The following FRK variants were observed in gnomAD, a reference collection of about 807,000 sequenced individuals.
FRK encodes the protein fyn related Src family tyrosine kinase, also known as tyrosine-protein kinase FRK.
Under a neutral mutation model 56.4 loss-of-function variants are expected in FRK, and 51 were observed. The ratio of observed to expected loss-of-function variants is 0.90; its 90% CI spans 0.72 to 1.14. The LOEUF (loss-of-function observed/expected upper bound fraction) is 1.14. FRK is among the 50% of genes most tolerant of loss of function. The pLI is 0.00. For missense variants in FRK, 570 were observed against 601.4 expected (o/e 0.95, Z 0.55); for synonymous variants, 245 against 217.9 (o/e 1.12, Z -1.10).
upstream of FRK, among the ~76,000 whole-genome samples, chr6:116,064,112 A>G (rs893221691): frequency 6.6e-6 from 1 of 152,222 alleles, no homozygotes; most frequent in African/African-American, 2.4e-5. Context: ...ATCATGGTTC[A>G]TCACTCCTGC....
chr6:116,040,280 AT>A (rs1472162467), intron 1 of FRK, among the ~76,000 whole-genome samples: 1 of 152,182 alleles, frequency 6.6e-6, no homozygotes, highest in Non-Finnish European at 1.5e-5. Flanking sequence ...CAATGTCTAT[AT>A]TTGACCTTAT....
intron 5 of FRK, among the ~76,000 whole-genome samples, chr6:115,946,375 G>A (rs921321022): frequency 3.3e-5 from 5 of 152,082 alleles, no homozygotes; most frequent in Non-Finnish European, 7.4e-5. Flanking sequence ...CTACTTTATG[G>A]TATTCGTTGT....
chr6:116,053,990 C>G (rs1466953667), intron 1 of FRK, among the ~76,000 whole-genome samples: 2 of 151,854 alleles, frequency 1.3e-5, no homozygotes, highest in Non-Finnish European at 2.9e-5. Flanking sequence ...GAATTGGTTG[C>G]TCTTTTCTTC....
intron 2 of FRK, among the ~76,000 whole-genome samples, chr6:115,979,892 T>C (rs1175301302): frequency 6.6e-6 from 1 of 152,116 alleles, no homozygotes; most frequent in Non-Finnish European, 1.5e-5. Flanking sequence ...TAGGTTTGTG[T>C]GAGTACACTT....
intron 1 of FRK, among the ~76,000 whole-genome samples, chr6:116,033,581 C>T (rs1562296515): frequency 2.6e-5 from 4 of 151,996 alleles, no homozygotes; most frequent in Admixed American, 2.6e-4. Flanking sequence ...TTTTCTGCCT[C>T]ATAAAAGTCC....
At chr6:116,061,519 T>C (rs1176118142), upstream of FRK, among the ~76,000 whole-genome samples, 1 of 151,398 alleles carries the variant, frequency 6.6e-6, no homozygotes, top group Non-Finnish European at 1.5e-5. Flanking sequence ...GGGCTCTTTC[T>C]GCTAAACTTT....
chr6:116,081,184 A>C, the FRK span, among the ~76,000 whole-genome samples: 1 of 152,218 alleles, frequency 6.6e-6, no homozygotes, highest in Non-Finnish European at 1.5e-5. Context: ...CTCCCACAAC[A>C]TGCAGGGATT....
intron 2 of FRK, among the ~76,000 whole-genome samples, chr6:115,979,319 T>A (rs1268338347): frequency 6.6e-6 from 1 of 151,914 alleles, no homozygotes; most frequent in East Asian, 1.9e-4. Flanking sequence ...TGCCTTTGTT[T>A]TTGACAAAAA....
At chr6:115,977,335 C>T (rs1005590620) in intron 2 of FRK, among the ~76,000 whole-genome samples, 3 of 152,136 alleles carry the variant, frequency 2.0e-5, no homozygotes, top group Non-Finnish European at 4.4e-5. Flanking sequence ...GTTGTTCTCT[C>T]CTTTCCTGGG....
intron 1 of FRK, among the ~76,000 whole-genome samples, chr6:116,037,342 A>G (rs1034125332): frequency 2.0e-5 from 3 of 152,214 alleles, no homozygotes; most frequent in Non-Finnish European, 4.4e-5. Flanking sequence ...GATAAACAAC[A>G]CCAAAGTGTA....
chr6:116,046,532 C>T (rs1776969994), intron 1 of FRK, among the ~76,000 whole-genome samples: 1 of 151,996 alleles, frequency 6.6e-6, no homozygotes, highest in African/African-American at 2.4e-5. Flanking sequence ...AACACAAGAA[C>T]AGAAAACCAA....
chr6:116,085,384 T>G, the FRK span, among the ~76,000 whole-genome samples: 1 of 152,196 alleles, frequency 6.6e-6, no homozygotes, highest in Non-Finnish European at 1.5e-5. Flanking sequence ...TGAAAGGGGA[T>G]TTTCATTTTA....
At chr6:115,993,606 A>AT (rs1417992280) in intron 2 of FRK, among the ~76,000 whole-genome samples, 1 of 151,964 alleles carries the variant, frequency 6.6e-6, no homozygotes, top group African/African-American at 2.4e-5. Flanking sequence ...TAACAAAACT[A>AT]TACTTATACC....
the FRK span, among the ~76,000 whole-genome samples, chr6:116,074,640 G>C: frequency 6.6e-6 from 1 of 152,020 alleles, no homozygotes; most frequent in Non-Finnish European, 1.5e-5. Context: ...ATATATCAAA[G>C]CCTATACCAA....
chr6:116,017,874 G>A (rs1427437758), intron 1 of FRK, among the ~76,000 whole-genome samples: 1 of 151,982 alleles, frequency 6.6e-6, no homozygotes, highest in Admixed American at 6.6e-5. Context: ...AGTCCACTCT[G>A]CCTCACACTG....
At chr6:116,068,055 C>A in the FRK span, among the ~76,000 whole-genome samples, 1 of 152,172 alleles carries the variant, frequency 6.6e-6, no homozygotes, top group Non-Finnish European at 1.5e-5. Context: ...TTCATCTTAA[C>A]CTTCACCAAT....
At chr6:116,048,435 T>C (rs1370831438) in intron 1 of FRK, among the ~76,000 whole-genome samples, 1 of 152,162 alleles carries the variant, frequency 6.6e-6, no homozygotes, top group African/African-American at 2.4e-5. Context: ...ACCTAGGCTG[T>C]AGTGCAGTGG....
rs780534370 is a variant in FRK, at chr6:115,942,625, C to T, written c.1307G>A (p.Gly436Asp). The change falls in exon 8 of 8, where the codon GGT becomes GAT. Residue 436 changes from glycine to aspartate, a missense_variant and splice_region_variant. Gly to Asp is a moderately conservative substitution (Grantham distance 94). Coordinates refer to ENST00000606080, the MANE Select transcript of FRK (RefSeq NM_002031.3). ...IITYGKMPYS[G>D]MTGAQVIQML... ...CTGGATTACCTGGGCACCTGTCATACCTTGAAAATACAGAACGAAACCAAC... is the reference window on the plus strand; with the variant it reads ...CTGGATTACCTGGGCACCTGTCATATCTTGAAAATACAGAACGAAACCAAC... 5 of 1,611,880 alleles carry T rather than the reference C, an allele frequency of 3.1e-6. No individual in the cohort carries two copies. Among genetic ancestry groups the T allele is most frequent in the Non-Finnish European group, 4.2e-6 (5 of 1,178,444 alleles).
At chr6:116,089,532 G>A in the FRK span, among the ~76,000 whole-genome samples, 1 of 152,238 alleles carries the variant, frequency 6.6e-6, no homozygotes, top group Non-Finnish European at 1.5e-5. Flanking sequence ...CCAAGATCAA[G>A]GTGTCAGCAG....
Sources: allele counts gnomAD v4.1 joint callset (sites outside exome capture counted in the v4.1 genomes callset), GRCh38; gene constraint gnomAD v4.1.1; transcripts MANE v1.5; gene names NCBI Gene and HGNC (gene_info 2026-07-23, HGNC 2026-07-21).